The following ADARB2 variants were observed in gnomAD, a reference collection of about 807,000 sequenced individuals.
ADARB2 encodes the protein inactive double-stranded RNA-specific editase B2.
Under a neutral mutation model 62.2 loss-of-function variants are expected in ADARB2, and 25 were observed. The ratio of observed to expected loss-of-function variants is 0.40; its 90% CI spans 0.29 to 0.56. The LOEUF is 0.56. Among genes scored for constraint, ADARB2 ranks in the 20% least tolerant of loss-of-function variants. ADARB2 has a pLI of 0.43. For missense variants in ADARB2, 1,071 were observed against 1,077.4 expected (o/e 0.99, Z 0.08); for synonymous variants, 572 against 500.8 (o/e 1.14, Z -1.90).
intron 1 of ADARB2, among the ~76,000 whole-genome samples, chr10:1,568,694 GC>G (rs1236886548): frequency 6.6e-6 from 1 of 152,118 alleles, no homozygotes; most frequent in Non-Finnish European, 1.5e-5. Flanking sequence ...TGGAGACCAG[GC>G]CCTTGGACAG....
intron 1 of ADARB2, among the ~76,000 whole-genome samples, chr10:1,535,391 C>T (rs1832317692): frequency 6.6e-6 from 1 of 152,186 alleles, no homozygotes; most frequent in Non-Finnish European, 1.5e-5. Flanking sequence ...TCTCGGTAAA[C>T]ACAATATTCC....
At chr10:1,415,519 G>A (rs369175926) in intron 1 of ADARB2, among the ~76,000 whole-genome samples, 25 of 122,938 alleles carry the variant, frequency 2.0e-4, no homozygotes, top group South Asian at 5.7e-4. Flanking sequence ...CACCTCTTCC[G>A]CATGGTAAGA....
At chr10:1,288,980 G>A (rs2131809381) in intron 3 of ADARB2, among the ~76,000 whole-genome samples, 1 of 152,294 alleles carries the variant, frequency 6.6e-6, no homozygotes, top group East Asian at 1.9e-4. Flanking sequence ...GGAAGAGGGG[G>A]TCGGACATGC....
intron 1 of ADARB2, among the ~76,000 whole-genome samples, chr10:1,539,224 C>G (rs994175993): frequency 1.8e-4 from 27 of 152,210 alleles, no homozygotes; most frequent in African/African-American, 5.8e-4. Flanking sequence ...TTCCTGAATG[C>G]CTTGTCTCTC....
At chr10:1,184,209 C>G (rs553880342) in intron 9 of ADARB2, among the ~76,000 whole-genome samples, 1 of 152,244 alleles carries the variant, frequency 6.6e-6, no homozygotes, top group South Asian at 2.1e-4. Flanking sequence ...ACTATTATTC[C>G]TGCTTGGATT....
chr10:1,434,874 G>T (rs1252577568), intron 1 of ADARB2, among the ~76,000 whole-genome samples: 5 of 152,180 alleles, frequency 3.3e-5, no homozygotes, highest in African/African-American at 1.2e-4. Flanking sequence ...AGTTGGTCTG[G>T]CGATAGTTTC....
At chr10:1,213,960 G>A (rs1024604088) in intron 7 of ADARB2, among the ~76,000 whole-genome samples, 10 of 142,256 alleles carry the variant, frequency 7.0e-5, no homozygotes, top group East Asian at 2.2e-4. Flanking sequence ...GGGTTTGCAC[G>A]TGTCCAGCAT....
intron 1 of ADARB2, among the ~76,000 whole-genome samples, chr10:1,437,853 C>T (rs138959384): frequency 3.8e-4 from 58 of 152,126 alleles, no homozygotes; most frequent in Non-Finnish European, 7.1e-4. Flanking sequence ...ACGTGTAGGG[C>T]AGATGGAATA....
chr10:1,303,066 G>A (rs1203085802), intron 3 of ADARB2, among the ~76,000 whole-genome samples: 2 of 152,142 alleles, frequency 1.3e-5, no homozygotes, highest in East Asian at 1.9e-4. Context: ...GGCTTCAGAC[G>A]ATCAAATTAC....
intron 1 of ADARB2, among the ~76,000 whole-genome samples, chr10:1,532,374 C>T (rs1465966717): frequency 6.6e-6 from 1 of 152,180 alleles, no homozygotes; most frequent in Non-Finnish European, 1.5e-5. Flanking sequence ...ACCAACTTTC[C>T]CCCGTGATCT....
chr10:1,372,334 A>T (rs563631781), intron 2 of ADARB2, among the ~76,000 whole-genome samples: 1 of 152,306 alleles, frequency 6.6e-6, no homozygotes, highest in South Asian at 2.1e-4. Flanking sequence ...AATGGGTAAG[A>T]TTCGAACAAT....
At chr10:1,344,432 C>T (rs949351042) in intron 3 of ADARB2, among the ~76,000 whole-genome samples, 2 of 152,164 alleles carry the variant, frequency 1.3e-5, no homozygotes, top group South Asian at 2.1e-4. Flanking sequence ...TTGGGAATAA[C>T]CCTGCCTTTA....
chr10:1,309,312 G>T (rs1831662767), intron 3 of ADARB2, among the ~76,000 whole-genome samples: 1 of 152,164 alleles, frequency 6.6e-6, no homozygotes, highest in South Asian at 2.1e-4. Flanking sequence ...TGACTCTTTG[G>T]TCTGAATCTC....
chr10:1,697,750 G>C (rs1834765313), intron 1 of ADARB2, among the ~76,000 whole-genome samples: 1 of 152,170 alleles, frequency 6.6e-6, no homozygotes, highest in Non-Finnish European at 1.5e-5. Context: ...AACCAGTTGG[G>C]GCCCGTGACC....
intron 1 of ADARB2, among the ~76,000 whole-genome samples, chr10:1,730,902 C>T (rs1232412928): frequency 6.6e-6 from 1 of 152,162 alleles, no homozygotes; most frequent in African/African-American, 2.4e-5. Context: ...AAACTAGATA[C>T]TAACTGTATT....
At chr10:1,543,327 C>G (rs1262412313) in intron 1 of ADARB2, among the ~76,000 whole-genome samples, 1 of 152,218 alleles carries the variant, frequency 6.6e-6, no homozygotes, top group Non-Finnish European at 1.5e-5. Context: ...GCAGTGCAGT[C>G]AAGGCCTCCT....
intron 1 of ADARB2, among the ~76,000 whole-genome samples, chr10:1,561,296 C>T (rs1832784005): frequency 6.6e-6 from 1 of 152,198 alleles, no homozygotes; most frequent in Non-Finnish European, 1.5e-5. Flanking sequence ...GACTGGATGT[C>T]ATAGACCCAG....
intron 1 of ADARB2, among the ~76,000 whole-genome samples, chr10:1,687,029 CTTTTTT>C (rs397952487): frequency 2.3e-5 from 3 of 129,004 alleles, no homozygotes; most frequent in African/African-American, 8.9e-5. Context: ...ATGACATTGC[CTTTTTT>C]TTTTTTTTTT....
At position 1,184,966 on chromosome 10, in the gene ADARB2, C is replaced by T. The variant is rs200195986; in HGVS notation, c.1938G>A (p.Ala646=). The change falls in exon 9 of 10, where the codon GCG becomes GCA. Residue 646 remains alanine (A), a synonymous_variant. Coordinates refer to ENST00000381312, the MANE Select transcript of ADARB2 (RefSeq NM_018702.4). The stretch of plus-strand genomic sequence containing the variant: ...TGGTGGCGTTGATAATCTCCAGGTC[C>T]GCGCTGCCCACGACCCAGTTCATGC... ...PFSMNWVVGS[A]DLEIINATTG... is the part of the protein sequence containing the mutation. 144 of 1,613,764 alleles carry T rather than the reference C, an allele frequency of 8.9e-5. No homozygotes were observed. The highest frequency in any genetic ancestry group is 1.0e-4 in the Non-Finnish European group (118 of 1,180,040).
Sources: allele counts gnomAD v4.1 joint callset (sites outside exome capture counted in the v4.1 genomes callset), GRCh38; gene constraint gnomAD v4.1.1; transcripts MANE v1.5; gene names NCBI Gene and HGNC (gene_info 2026-07-23, HGNC 2026-07-21).